Variants in STARD13 observed in about 807,000 individuals in gnomAD.
STARD13 encodes StAR related lipid transfer domain containing 13, also known as stAR-related lipid transfer protein 13.
STARD13 carries 62 observed loss-of-function variants against 106.4 expected under a neutral mutation model. The ratio of observed to expected loss-of-function variants is 0.58; its 90% CI spans 0.48 to 0.72. The LOEUF is 0.72. Ranked by LOEUF, STARD13 falls within the 30% of genes least tolerant of loss-of-function variation. The pLI is 0.00. For synonymous variants in STARD13, 565 were observed against 553.0 expected (o/e 1.02, Z -0.31); for missense variants, 1,387 against 1,424.0 (o/e 0.97, Z 0.42).
At chr13:33,432,201 C>T in the STARD13 span, among the ~76,000 whole-genome samples, 1 of 151,980 alleles carries the variant, frequency 6.6e-6, no homozygotes, top group Admixed American at 6.6e-5. Flanking sequence ...GAAAAGAGGA[C>T]CCACAGTCAC....
chr13:33,602,393 A>C, the STARD13 span, among the ~76,000 whole-genome samples: 1 of 152,140 alleles, frequency 6.6e-6, no homozygotes, highest in Non-Finnish European at 1.5e-5. Context: ...AACACCTAGT[A>C]ATGTTTTTAA....
Position 33,205,019 on chromosome 13 carries a change from G to A in STARD13, c.170-37397C>T, listed in dbSNP as rs548825872. Among the ~76,000 whole-genome samples the A allele has an allele frequency of 1.2e-4, 19 of 152,240 alleles. No homozygotes were observed. In the South Asian group the frequency reaches 2.7e-3, roughly 22 times the overall value. On this transcript the variant is annotated intron_variant, in intron 1 of 13. Transcript: ENST00000336934. ...AGCCCCCTGAAAACTTTCTGCTATC[G>A]CTCATAGAATCTTATCATTCTCAAT... is the stretch of plus-strand genomic sequence containing the variant.
In STARD13 at chr13:33,294,889, C is replaced by A. The variant is rs796692759; in HGVS notation, c.124+55401G>T. On this transcript the variant is annotated intron_variant, in intron 1 of 5. Transcript: ENST00000567873. ...CATTGAAGAAATCCTATGATGAATC[C>A]TTTGGAAAATCTTCTGATCATCTGT... is the stretch of plus-strand genomic sequence containing the variant. Among the ~76,000 whole-genome samples, 15 of 152,166 alleles carry A rather than the reference C, an allele frequency of 9.9e-5. No homozygotes were observed. The East Asian group carries it at 2.7e-3, about 27-fold the overall frequency.
chr13:33,535,140 A>C, the STARD13 span, among the ~76,000 whole-genome samples: 1 of 152,140 alleles, frequency 6.6e-6, no homozygotes. Context: ...GCTTGAACCC[A>C]GGAGACAGAG....
At chr13:33,519,687 G>C in the STARD13 span, among the ~76,000 whole-genome samples, 1 of 152,100 alleles carries the variant, frequency 6.6e-6, no homozygotes, top group Non-Finnish European at 1.5e-5. Flanking sequence ...AAAAGCCACA[G>C]AAAGCATCGT....
the STARD13 span, among the ~76,000 whole-genome samples, chr13:33,475,372 C>T: frequency 2.0e-5 from 3 of 152,064 alleles, no homozygotes; most frequent in Non-Finnish European, 4.4e-5. Context: ...TATTGATTTT[C>T]TTAGTTTCTA....
At chr13:33,653,450 T>C in the STARD13 span, among the ~76,000 whole-genome samples, 1 of 152,146 alleles carries the variant, frequency 6.6e-6, no homozygotes, top group African/African-American at 2.4e-5. Flanking sequence ...TTTCAACAAA[T>C]GATGCTGAGA....
At chr13:33,280,037 G>A (rs1437436174) in intron 1 of STARD13, 1 of 152,096 alleles carries the variant, frequency 6.6e-6, no homozygotes. Context: ...CCTGCTTCCT[G>A]TGTTCCATCT....
rs375137923 is a variant in STARD13 at position 33,106,846 on chromosome 13, G to A, written c.3136C>T (p.Arg1046Ter). 6.2e-6 allele frequency: 10 copies of A among 1,613,958 alleles called. No homozygotes were observed. The highest frequency in any genetic ancestry group is 1.3e-5 in the African/African-American group (1 of 74,894). Residue 1046 changes from arginine (R) to a stop codon, truncating the protein, a stop_gained, in exon 13 of 14, where the codon CGA becomes TGA. Transcript: ENST00000336934. LOFTEE classifies it high-confidence loss of function. The part of the protein sequence containing the change: ...HEEAQLLGGV[R>*]AVVMDSQYLI... ...TACTGCGAGTCCATCACCACTGCTCGCACACCACCCAGGAGCTGGGCTTCC... is the reference window on the plus strand; with the variant it reads ...TACTGCGAGTCCATCACCACTGCTCACACACCACCCAGGAGCTGGGCTTCC...
At chr13:33,614,789 T>G in the STARD13 span, among the ~76,000 whole-genome samples, 1 of 152,110 alleles carries the variant, frequency 6.6e-6, no homozygotes, top group Non-Finnish European at 1.5e-5. Context: ...ATGAGCCTGG[T>G]GCTGGCTCAG....
At chr13:33,565,488 AAT>A in the STARD13 span, among the ~76,000 whole-genome samples, 1 of 148,130 alleles carries the variant, frequency 6.8e-6, no homozygotes, top group Non-Finnish European at 1.5e-5. Flanking sequence ...AAAAAGAAAA[AAT>A]ATGTATTTTG....
At chr13:33,420,333 C>T in the STARD13 span, among the ~76,000 whole-genome samples, 1 of 152,110 alleles carries the variant, frequency 6.6e-6, no homozygotes, top group Non-Finnish European at 1.5e-5. Context: ...GACTTTAAAC[C>T]AACAAAGATC....
At chr13:33,542,451 C>T in the STARD13 span, among the ~76,000 whole-genome samples, 1 of 152,266 alleles carries the variant, frequency 6.6e-6, no homozygotes, top group Non-Finnish European at 1.5e-5. Flanking sequence ...AAACCCATTA[C>T]GCCACCATTT....
chr13:33,186,006 G>A (rs1295924872), intron 1 of STARD13: 2 of 1,614,220 alleles, frequency 1.2e-6, no homozygotes, highest in South Asian at 1.1e-5. Flanking sequence ...ATGGAGAACT[G>A]AGGAGGGTTC....
intron 1 of STARD13, among the ~76,000 whole-genome samples, chr13:33,205,172 G>T (rs1392514241): frequency 6.6e-6 from 1 of 152,284 alleles, no homozygotes; most frequent in African/African-American, 2.4e-5. Flanking sequence ...CTTTGAAAAC[G>T]AAGCCGTTGA....
the STARD13 span, among the ~76,000 whole-genome samples, chr13:33,411,237 A>G: frequency 6.6e-6 from 1 of 152,206 alleles, no homozygotes; most frequent in Non-Finnish European, 1.5e-5. Context: ...GTCAGGCAAA[A>G]TAAGCGCCAT....
chr13:33,602,216 C>G, the STARD13 span, among the ~76,000 whole-genome samples: 819 of 151,986 alleles, frequency 5.4e-3, 5 homozygotes, highest in African/African-American at 0.018. Context: ...CTCAGCCTCC[C>G]GAATAGCTGG....
chr13:33,650,164 A>ATTTTTTT, the STARD13 span, among the ~76,000 whole-genome samples: 17 of 48,374 alleles, frequency 3.5e-4, 3 homozygotes, highest in African/African-American at 7.3e-4. Flanking sequence ...CGTGACTCCA[A>ATTTTTTT]TTTTTTTTTT....
the STARD13 span, among the ~76,000 whole-genome samples, chr13:33,564,401 G>A: frequency 6.9e-6 from 1 of 145,652 alleles, no homozygotes; most frequent in South Asian, 2.2e-4. Context: ...GGATGCTGGC[G>A]AGGTATGGAG....
Sources: allele counts gnomAD v4.1 joint callset (sites outside exome capture counted in the v4.1 genomes callset), GRCh38; gene constraint gnomAD v4.1.1; transcripts MANE v1.5; gene names NCBI Gene and HGNC (gene_info 2026-07-23, HGNC 2026-07-21).